Variants in DDX42 observed in about 807,000 individuals in gnomAD.
DDX42 encodes DEAD-box helicase 42, also known as ATP-dependent RNA helicase DDX42.
DDX42 carries 22 observed loss-of-function variants against 101.5 expected under a neutral mutation model. That is an observed-to-expected ratio of 0.22 (90% confidence interval 0.15 to 0.31). The LOEUF (loss-of-function observed/expected upper bound fraction) is 0.31. Among genes scored for constraint, DDX42 ranks in the 10% least tolerant of loss-of-function variants. The pLI is 1.00. For synonymous variants in DDX42, 402 were observed against 401.2 expected (o/e 1.00, Z -0.02); for missense variants, 849 against 1,199.9 (o/e 0.71, Z 4.32).
chr17:63,777,781 A>G (rs879026665), intron 1 of DDX42, among the ~76,000 whole-genome samples: 10 of 152,060 alleles, frequency 6.6e-5, no homozygotes, highest in Admixed American at 5.9e-4. Context: ...TATCATATTC[A>G]TGTCTTTAGG....
intron 7 of DDX42, 74 bp from the exon 8 acceptor site, chr17:63,806,461 G>A: frequency 6.8e-7 from 1 of 1,472,248 alleles, no homozygotes; most frequent in Non-Finnish European, 9.1e-7. Context: ...CTAGATCCAG[G>A]TAAGTATTGT....
chr17:63,805,179 A>C lies in DDX42; in HGVS notation c.726+4A>C. ...CCGGCATAAGCTCAATCTTCGGGTA[A>C]GCATCATTAAGCTCAATATTCTTAA... On this transcript the variant is annotated splice_donor_region_variant and intron_variant, in intron 7 of 17. Transcript: ENST00000389924. 1 of 1,610,702 alleles carries C rather than the reference A, an allele frequency of 6.2e-7. No homozygotes were observed. Among genetic ancestry groups the C allele is most frequent in the South Asian group, 1.1e-5 (1 of 89,860 alleles).
chr17:63,779,912 G>A (rs889202511), intron 1 of DDX42, among the ~76,000 whole-genome samples: 2 of 152,044 alleles, frequency 1.3e-5, no homozygotes, highest in Non-Finnish European at 2.9e-5. Flanking sequence ...AGAAATTTGG[G>A]TGGCTATCTT....
At chr17:63,806,929 CTAGAAT>C (rs1334574116) in intron 8 of DDX42, among the ~76,000 whole-genome samples, 1 of 152,174 alleles carries the variant, frequency 6.6e-6, no homozygotes, top group African/African-American at 2.4e-5. Flanking sequence ...CTGTCAATGA[CTAGAAT>C]TCCTTCGTTC....
chr17:63,787,915 T>TTC (rs201105703), intron 2 of DDX42, among the ~76,000 whole-genome samples: 4,896 of 139,018 alleles, frequency 0.035, 289 homozygotes, highest in African/African-American at 0.13. Context: ...GTTTTTTTTT[T>TTC]TTTTTTTGGA....
chr17:63,812,933 GA>G (rs1166952599), intron 14 of DDX42, among the ~76,000 whole-genome samples: 2 of 152,226 alleles, frequency 1.3e-5, no homozygotes, highest in African/African-American at 4.8e-5. Flanking sequence ...GCTGAGGCAG[GA>G]GAATTGCTTG....
chr17:63,814,348 A>G (rs920834143), intron 15 of DDX42, among the ~76,000 whole-genome samples: 1 of 152,146 alleles, frequency 6.6e-6, no homozygotes, highest in Non-Finnish European at 1.5e-5. Context: ...GAGTTTGTCA[A>G]ATGCCTAGGC....
chr17:63,804,908 A>C (rs1002173940), intron 6 of DDX42, 163 bp from the exon 7 acceptor site: 2 of 799,108 alleles, frequency 2.5e-6, no homozygotes, highest in South Asian at 2.0e-5. Flanking sequence ...CAAACTAGCT[A>C]TACTTTTTAG....
rs1275604651 is a variant in DDX42 at position 63,809,768 on chromosome 17, G to T, written c.1252+109G>T. On this transcript the variant is annotated intron_variant, in intron 11 of 17. Coordinates refer to ENST00000389924, the MANE Select transcript of DDX42 (RefSeq NM_203499.3). Reference sequence around the variant, plus strand: ...CATGAGAGAAGCTAAAAATACTCCTGGATGGGGTTAGACTATAGAAATATA... The same window carrying T: ...CATGAGAGAAGCTAAAAATACTCCTTGATGGGGTTAGACTATAGAAATATA... The T allele has an allele frequency of 4.8e-6, 4 of 825,802 alleles. No individual in the cohort carries two copies. In the African/African-American group the frequency reaches 6.8e-5, roughly 14 times the overall value. The allele number at this position is 825,802 out of a possible 1,614,324, so 51.2% of individuals were successfully genotyped here.
chr17:63,774,350 C>G lies in DDX42; in HGVS notation c.-43C>G, dbSNP rs1203212397. The stretch of plus-strand genomic sequence containing the variant: ...ATTCGCTCCGCGCCCGCGGTTGTAG[C>G]AGCTGCCGCTGCAGCCATAGCAGCA... On this transcript the variant is annotated 5_prime_UTR_variant, in exon 1 of 18. Coordinates refer to ENST00000389924, the MANE Select transcript of DDX42 (RefSeq NM_203499.3). 4.1e-6 allele frequency: 1 copy of G among 244,730 alleles called. No individual in the cohort carries two copies. Among genetic ancestry groups the G allele is most frequent in the Non-Finnish European group, 7.8e-6 (1 of 127,892 alleles). 15.2% of individuals were successfully genotyped at this position (244,730 alleles called of 1,614,324 possible). A position where few individuals can be genotyped will look rare whatever the true frequency, so the allele number is the denominator to read the frequency against.
chr17:63,813,485 C>T (rs756482288), intron 15 of DDX42, 31 bp downstream of exon 15: 2 of 1,590,294 alleles, frequency 1.3e-6, no homozygotes, highest in Non-Finnish European at 1.7e-6. Flanking sequence ...TCAATTGCTC[C>T]TGGTTATAAG....
intron 3 of DDX42, among the ~76,000 whole-genome samples, chr17:63,794,091 T>C (rs997813023): frequency 2.0e-5 from 3 of 152,146 alleles, no homozygotes; most frequent in South Asian, 4.1e-4. Context: ...CTTGCATTTG[T>C]TCTTTCCTTT....
At chr17:63,775,593 G>A (rs758551585) in intron 1 of DDX42, among the ~76,000 whole-genome samples, 9 of 152,114 alleles carry the variant, frequency 5.9e-5, no homozygotes, top group Non-Finnish European at 8.8e-5. Context: ...GTTTATCTGG[G>A]GAAAGGAACG....
At chr17:63,801,926 G>A (rs865861351) in intron 6 of DDX42, among the ~76,000 whole-genome samples, 12 of 150,912 alleles carry the variant, frequency 8.0e-5, no homozygotes, top group African/African-American at 2.7e-4. Flanking sequence ...AATATCAGCC[G>A]AGATCTCACA....
intron 1 of DDX42, chr17:63,775,089 C>T (rs2039402327): frequency 6.5e-6 from 1 of 152,746 alleles, no homozygotes; most frequent in South Asian, 2.1e-4. Context: ...TGTCTGTCCT[C>T]TCTCGTATAC....
In DDX42 at chr17:63,779,901, T is replaced by G. The variant is rs1190876211; in HGVS notation, c.-17+5525T>G. Among the ~76,000 whole-genome samples, 4 of 152,180 alleles carry G rather than the reference T, an allele frequency of 2.6e-5. No homozygotes were observed. In the East Asian group the frequency reaches 7.7e-4, roughly 29 times the overall value. ...CTCTTTTATTTTTTTAGTAACCAAA[T>G]AGAAATTTGGGTGGCTATCTTTTGC... On this transcript the variant is annotated intron_variant, in intron 1 of 17. Coordinates refer to ENST00000389924, the MANE Select transcript of DDX42 (RefSeq NM_203499.3).
chr17:63,801,874 G>A lies in DDX42; in HGVS notation c.621+1257G>A, dbSNP rs2039774516. 2.0e-5 allele frequency among the ~76,000 whole-genome samples: 3 copies of A among 152,132 alleles called. No individual in the cohort carries two copies. The South Asian group carries it at 6.2e-4, about 32-fold the overall frequency. On this transcript the variant is annotated intron_variant, in intron 6 of 17. Coordinates refer to ENST00000389924, the MANE Select transcript of DDX42 (RefSeq NM_203499.3). Reference sequence around the variant, plus strand: ...AGGATCCTTAAGGAATGAGGACATCGGTATACCCACTTGAAAAAATATCAG... The same window carrying A: ...AGGATCCTTAAGGAATGAGGACATCAGTATACCCACTTGAAAAAATATCAG...
At chr17:63,794,437 G>C (rs1039604018) in intron 3 of DDX42, among the ~76,000 whole-genome samples, 1 of 151,962 alleles carries the variant, frequency 6.6e-6, no homozygotes, top group Non-Finnish European at 1.5e-5. Flanking sequence ...AGCTACTTGA[G>C]AGGCTGAGGT....
intron 2 of DDX42, among the ~76,000 whole-genome samples, chr17:63,791,878 C>T (rs1199276049): frequency 6.6e-6 from 1 of 151,820 alleles, no homozygotes. Context: ...AAACCCCTGT[C>T]TCTACTAAAA....
Sources: gnomAD v4.1 joint callset for allele counts (sites outside exome capture counted in the v4.1 genomes callset) on GRCh38, gnomAD v4.1.1 for gene constraint, MANE v1.5 for transcripts, NCBI Gene and HGNC (gene_info 2026-07-23, HGNC 2026-07-21) for gene names.